Variants in CTNNA3 observed in about 807,000 individuals in gnomAD.
CTNNA3 encodes catenin alpha 3.
In CTNNA3, 76 loss-of-function variants were observed where a neutral mutation model predicts 95.7. That is an observed-to-expected ratio of 0.79 (90% CI 0.66 to 0.96). The LOEUF is 0.96. Ranked by LOEUF, CTNNA3 falls within the 40% of genes least tolerant of loss-of-function variation. The pLI is 0.00. For missense variants in CTNNA3, 1,191 were observed against 1,089.8 expected (o/e 1.09, Z -1.31); for synonymous variants, 431 against 374.4 (o/e 1.15, Z -1.74).
intron 7 of CTNNA3, among the ~76,000 whole-genome samples, chr10:67,167,337 G>C (rs1431369654): frequency 1.3e-5 from 2 of 152,096 alleles, no homozygotes; most frequent in Non-Finnish European, 2.9e-5. Context: ...CTATCAACCA[G>C]AGTGCCTACC....
intron 17 of CTNNA3, 123 bp from the exon 18 acceptor site, chr10:65,920,740 C>T (rs2077073799): frequency 2.9e-6 from 3 of 1,039,354 alleles, no homozygotes; most frequent in Admixed American, 2.6e-5. Context: ...GAGGGAGGAT[C>T]ACTTGAGCCC....
At chr10:65,950,450 A>G (rs980415467) in intron 17 of CTNNA3, among the ~76,000 whole-genome samples, 5 of 150,720 alleles carry the variant, frequency 3.3e-5, no homozygotes, top group Non-Finnish European at 4.4e-5. Flanking sequence ...CCTGGCTTTC[A>G]GCTCAACTCG....
At position 65,988,681 on chromosome 10, in the gene CTNNA3, A is replaced by G. The variant is rs2078476764; in HGVS notation, c.2265+11T>C. ...ATGAACTTTTATGATGTCCACTTGT[A>G]AGTAACTCACCTGATTAGCAATCTG... On this transcript the variant is annotated intron_variant, in intron 16 of 17. Coordinates refer to ENST00000433211, the MANE Select transcript of CTNNA3 (RefSeq NM_013266.4). The G allele has an allele frequency of 6.2e-7, 1 of 1,604,772 alleles. No individual in the cohort carries two copies. The highest frequency in any genetic ancestry group is 1.7e-5 in the Admixed American group (1 of 59,964).
intron 17 of CTNNA3, among the ~76,000 whole-genome samples, chr10:65,958,918 G>T (rs567843712): frequency 6.6e-6 from 1 of 152,340 alleles, no homozygotes; most frequent in African/African-American, 2.4e-5. Flanking sequence ...TCTCTTGAAA[G>T]CTATCAGACA....
At chr10:67,192,359 A>C (rs1001553363) in intron 6 of CTNNA3, among the ~76,000 whole-genome samples, 5 of 151,966 alleles carry the variant, frequency 3.3e-5, no homozygotes, top group Admixed American at 3.3e-4. Context: ...TGTATTCAAT[A>C]AGGAGTTAAT....
rs138623929 is a variant in CTNNA3 at position 66,526,332 on chromosome 10, C to T, written c.1375-5559G>A. Reference sequence around the variant, plus strand: ...TCCCAAGTAGCTGGGACCACAAATGCGCACCACCACACCCAGATAATTTTT... The same window carrying T: ...TCCCAAGTAGCTGGGACCACAAATGTGCACCACCACACCCAGATAATTTTT... On this transcript the variant is annotated intron_variant, in intron 10 of 17. Transcript: ENST00000433211. 9.5e-3 allele frequency among the ~76,000 whole-genome samples: 1,446 copies of T among 152,062 alleles called. 19 individuals carry two copies. The highest frequency in any genetic ancestry group is 0.034 in the African/African-American group (1,389 of 41,454).
In CTNNA3 at chr10:66,964,790, G is replaced by A. The variant is rs532133505; in HGVS notation, c.1048-189266C>T. ...GAGGGAAAAGGGAGGAGATAAAGCA[G>A]ATGAGAGGCAGACTGCAAACCCATC... On this transcript the variant is annotated intron_variant, in intron 7 of 17. Coordinates refer to ENST00000433211, the MANE Select transcript of CTNNA3 (RefSeq NM_013266.4). Among the ~76,000 whole-genome samples, 17 of 152,302 alleles carry A rather than the reference G, an allele frequency of 1.1e-4. No individual in the cohort carries two copies. In the South Asian group the frequency reaches 3.5e-3, roughly 32 times the overall value.
At chr10:66,280,394 T>C in intron 13 of CTNNA3, 76 bp downstream of exon 13, 2 of 1,285,900 alleles carry the variant, frequency 1.6e-6, no homozygotes, top group Non-Finnish European at 2.2e-6. Context: ...AAATAAAGCA[T>C]TTCTTGCAGT....
intron 11 of CTNNA3, among the ~76,000 whole-genome samples, chr10:66,445,451 A>G (rs2093412764): frequency 6.6e-6 from 1 of 152,158 alleles, no homozygotes; most frequent in Non-Finnish European, 1.5e-5. Context: ...AATGTAAAAG[A>G]ACAGAAATTA....
intron 5 of CTNNA3, among the ~76,000 whole-genome samples, chr10:67,239,433 C>T (rs1406945783): frequency 3.3e-5 from 5 of 150,504 alleles, no homozygotes; most frequent in African/African-American, 1.2e-4. Flanking sequence ...GAAGTTCATA[C>T]TCAGGCAAAA....
At chr10:67,249,242 T>C (rs1424172176) in intron 5 of CTNNA3, among the ~76,000 whole-genome samples, 1 of 152,098 alleles carries the variant, frequency 6.6e-6, no homozygotes, top group Non-Finnish European at 1.5e-5. Flanking sequence ...AACTCAATAA[T>C]AAAACAATTA....
At chr10:66,399,817 T>C (rs185768836) in intron 11 of CTNNA3, among the ~76,000 whole-genome samples, 2 of 152,136 alleles carry the variant, frequency 1.3e-5, no homozygotes, top group Non-Finnish European at 1.5e-5. Flanking sequence ...TTAATTTTTA[T>C]AATTTGCTGT....
At chr10:66,895,914 C>CAA (rs869248195) in intron 7 of CTNNA3, among the ~76,000 whole-genome samples, 12 of 80,156 alleles carry the variant, frequency 1.5e-4, no homozygotes, top group East Asian at 6.4e-4. Context: ...CCTGTCTCTA[C>CAA]AAAAAAAAAA....
chr10:66,023,560 T>C (rs1001482559), intron 15 of CTNNA3, among the ~76,000 whole-genome samples: 3 of 152,164 alleles, frequency 2.0e-5, no homozygotes, highest in Non-Finnish European at 4.4e-5. Flanking sequence ...AATATAGATA[T>C]TAGATAAATT....
intron 3 of CTNNA3, among the ~76,000 whole-genome samples, chr10:67,562,462 T>C (rs995870261): frequency 6.6e-6 from 1 of 152,156 alleles, no homozygotes; most frequent in South Asian, 2.1e-4. Flanking sequence ...AAACTCTCAA[T>C]AAATTAAGTA....
intron 10 of CTNNA3, among the ~76,000 whole-genome samples, chr10:66,578,799 T>TTTG (rs1554820444): frequency 1.4e-5 from 2 of 141,306 alleles, no homozygotes; most frequent in African/African-American, 2.6e-5. Context: ...TTTTTTTTTG[T>TTTG]TTGTTGTTGT....
At chr10:66,091,597 A>G (rs2081214203) in intron 14 of CTNNA3, among the ~76,000 whole-genome samples, 1 of 151,994 alleles carries the variant, frequency 6.6e-6, no homozygotes, top group Non-Finnish European at 1.5e-5. Flanking sequence ...GACTAAACAA[A>G]CAAGCAAATA....
intron 9 of CTNNA3, among the ~76,000 whole-genome samples, chr10:66,651,726 T>A (rs1845910691): frequency 6.6e-6 from 1 of 151,614 alleles, no homozygotes; most frequent in African/African-American, 2.4e-5. Flanking sequence ...CCCTCACTGC[T>A]CGGGGCCTGC....
chr10:66,513,555 G>T (rs1046758433), intron 11 of CTNNA3, among the ~76,000 whole-genome samples: 1 of 152,180 alleles, frequency 6.6e-6, no homozygotes, highest in African/African-American at 2.4e-5. Context: ...GTACACAAAG[G>T]TACATAGTGG....
Sources: gnomAD v4.1 joint callset for allele counts (sites outside exome capture counted in the v4.1 genomes callset) on GRCh38, gnomAD v4.1.1 for gene constraint, MANE v1.5 for transcripts, NCBI Gene and HGNC (gene_info 2026-07-23, HGNC 2026-07-21) for gene names.